The following KCNIP3 variants were observed in gnomAD, a reference collection of about 807,000 sequenced individuals.
KCNIP3 encodes calsenilin.
A neutral mutation model predicts 35.0 loss-of-function variants in KCNIP3; 28 were observed. The ratio of observed to expected loss-of-function variants is 0.80; its 90% confidence interval spans 0.59 to 1.10. The LOEUF (loss-of-function observed/expected upper bound fraction) is 1.10. Ranked by LOEUF, KCNIP3 falls within the 50% of genes least tolerant of loss-of-function variation. KCNIP3 has a pLI of 0.00. For synonymous variants in KCNIP3, 134 were observed against 133.8 expected, an observed-to-expected ratio of 1.00 and a Z score of -0.01; for missense variants, 295 against 338.4, an observed-to-expected ratio of 0.87 and a Z score of 1.01.
At chr2:95,356,752 C>G (rs1023472341) in intron 2 of KCNIP3, among the ~76,000 whole-genome samples, 1 of 152,144 alleles carries the variant, frequency 6.6e-6, no homozygotes, top group African/African-American at 2.4e-5. Flanking sequence ...GTTACTGTAG[C>G]CTTGTAGTAT....
intron 2 of KCNIP3, among the ~76,000 whole-genome samples, chr2:95,351,393 T>C (rs79602254): frequency 0.015 from 2,349 of 152,170 alleles, 21 homozygotes; most frequent in Non-Finnish European, 0.021. Flanking sequence ...GGAGACAGCA[T>C]TGGGGTTGGG....
intron 2 of KCNIP3, among the ~76,000 whole-genome samples, chr2:95,342,916 G>A (rs1481618465): frequency 2.0e-5 from 3 of 152,254 alleles, no homozygotes; most frequent in Non-Finnish European, 4.4e-5. Context: ...CAGCCACACA[G>A]GCAAACATGG....
At chr2:95,307,489 G>A (rs1181662677) in intron 1 of KCNIP3, among the ~76,000 whole-genome samples, 1 of 152,238 alleles carries the variant, frequency 6.6e-6, no homozygotes, top group Non-Finnish European at 1.5e-5. Flanking sequence ...CTGTGAAATG[G>A]GGATCGTCTT....
intron 1 of KCNIP3, among the ~76,000 whole-genome samples, chr2:95,306,425 G>C (rs1359048154): frequency 1.3e-5 from 2 of 152,224 alleles, no homozygotes; most frequent in Non-Finnish European, 2.9e-5. Flanking sequence ...TGAGGATCAG[G>C]TTCCACTCTC....
chr2:95,300,654 CT>C (rs953495733), intron 1 of KCNIP3, among the ~76,000 whole-genome samples: 1 of 152,236 alleles, frequency 6.6e-6, no homozygotes, highest in Non-Finnish European at 1.5e-5. Context: ...CTGATGTTGC[CT>C]TTGAGCAGGT....
chr2:95,375,230 C>G, intron 5 of KCNIP3, 22 bp downstream of exon 5: 2 of 1,608,238 alleles, frequency 1.2e-6, no homozygotes. Flanking sequence ...CGGATTCCTC[C>G]CACGTGTCCT....
At chr2:95,348,011 G>A (rs531864996) in intron 2 of KCNIP3, among the ~76,000 whole-genome samples, 1 of 152,266 alleles carries the variant, frequency 6.6e-6, no homozygotes, top group Non-Finnish European at 1.5e-5. Flanking sequence ...CCTGCGAAGG[G>A]CTGCTGAGTG....
In KCNIP3 at chr2:95,301,852, CTG is replaced by C. The variant is rs141927142; in HGVS notation, c.15+4422_15+4423del. Among the ~76,000 whole-genome samples the C allele has an allele frequency of 2.0e-3, 302 of 148,400 alleles. 2 individuals are homozygous for C. Among genetic ancestry groups the C allele is most frequent in the Non-Finnish European group, 1.6e-3 (104 of 66,724 alleles). On this transcript the variant is annotated intron_variant, in intron 1 of 8. Transcript: ENST00000295225. ...GCTGCCAGAGGGCTGGGGCCCAGGG[CTG>C]TGTGTGTGTGTGTGTGTGTGTGCGC... is the stretch of plus-strand genomic sequence containing the variant.
chr2:95,308,429 A>G (rs1678231449), intron 1 of KCNIP3, among the ~76,000 whole-genome samples: 1 of 152,198 alleles, frequency 6.6e-6, no homozygotes, highest in Non-Finnish European at 1.5e-5. Context: ...AGGGAACTGG[A>G]CATCTCCCTG....
At chr2:95,355,318 C>T (rs1281030238) in intron 2 of KCNIP3, 1 of 152,214 alleles carries the variant, frequency 6.6e-6, no homozygotes, top group Non-Finnish European at 1.5e-5. Context: ...CAGCGTCTGG[C>T]ATGGAGGAGG....
At chr2:95,297,861 C>T (rs1264213477) in intron 1 of KCNIP3, among the ~76,000 whole-genome samples, 1 of 152,136 alleles carries the variant, frequency 6.6e-6, no homozygotes, top group Non-Finnish European at 1.5e-5. Flanking sequence ...GCCCCACAGC[C>T]TTCAGGTTTG....
chr2:95,323,912 T>C (rs1678657082), intron 2 of KCNIP3, among the ~76,000 whole-genome samples: 1 of 152,140 alleles, frequency 6.6e-6, no homozygotes, highest in Non-Finnish European at 1.5e-5. Flanking sequence ...GGCCAGCTCC[T>C]GAGGGCAGGG....
chr2:95,303,505 A>C (rs1301586341), intron 1 of KCNIP3: 3 of 152,204 alleles, frequency 2.0e-5, no homozygotes, highest in Non-Finnish European at 2.9e-5. Flanking sequence ...CCCCTCCCTC[A>C]CTGGCCACAT....
chr2:95,318,327 C>G (rs762550576), intron 2 of KCNIP3, among the ~76,000 whole-genome samples: 1 of 152,216 alleles, frequency 6.6e-6, no homozygotes, highest in African/African-American at 2.4e-5. Flanking sequence ...AGGCCCTCCC[C>G]GTCTCCTTCC....
chr2:95,323,988 C>T (rs1057348030), intron 2 of KCNIP3, among the ~76,000 whole-genome samples: 2 of 152,210 alleles, frequency 1.3e-5, no homozygotes, highest in Admixed American at 1.3e-4. Flanking sequence ...ACACTCCGGG[C>T]CTGCACCTGA....
At chr2:95,374,790 A>G in intron 3 of KCNIP3, 58 bp from the exon 4 acceptor site, 2 of 1,570,462 alleles carry the variant, frequency 1.3e-6, no homozygotes, top group Non-Finnish European at 1.7e-6. Flanking sequence ...GGCACCATGC[A>G]GAGTCGGGCT....
At chr2:95,347,094 C>T in intron 2 of KCNIP3, 2 of 1,611,700 alleles carry the variant, frequency 1.2e-6, no homozygotes, top group Non-Finnish European at 1.7e-6. Flanking sequence ...TCAAGCAGTT[C>T]GGCATCCTGG....
At chr2:95,346,726 G>GCGCCGC (rs1267457760) in intron 2 of KCNIP3, 2 of 148,374 alleles carry the variant, frequency 1.3e-5, no homozygotes, top group African/African-American at 2.5e-5. Context: ...GCTGCGTTTC[G>GCGCCGC]CGCCGCCGCC....
intron 2 of KCNIP3, among the ~76,000 whole-genome samples, chr2:95,350,466 G>A (rs778286454): frequency 1.3e-5 from 2 of 152,192 alleles, no homozygotes; most frequent in Non-Finnish European, 2.9e-5. Flanking sequence ...TTAAATTCAT[G>A]AGGGAACCTG....
Sources: allele counts gnomAD v4.1 joint callset (sites outside exome capture counted in the v4.1 genomes callset), GRCh38; gene constraint gnomAD v4.1.1; transcripts MANE v1.5; gene names NCBI Gene and HGNC (gene_info 2026-07-23, HGNC 2026-07-21).